Variants in PBX1 observed in about 807,000 individuals in gnomAD.
PBX1 encodes PBX homeobox 1.
PBX1 carries 6 observed loss-of-function variants against 53.4 expected under a neutral mutation model. The ratio of observed to expected loss-of-function variants is 0.11; its 90% CI spans 0.06 to 0.22. The LOEUF is 0.22. Among genes scored for constraint, PBX1 ranks in the 10% least tolerant of loss-of-function variants. PBX1 has a pLI of 1.00. For synonymous variants in PBX1, 204 were observed against 212.3 expected (o/e 0.96, Z 0.34); for missense variants, 251 against 551.4 (o/e 0.46, Z 5.46).
intron 2 of PBX1, among the ~76,000 whole-genome samples, chr1:164,760,683 A>G (rs1273482859): frequency 6.6e-6 from 1 of 152,164 alleles, no homozygotes; most frequent in Non-Finnish European, 1.5e-5. Context: ...AGTAATTTGA[A>G]TATTTCATTC....
chr1:164,836,125 C>T (rs1671027856), intron 8 of PBX1, among the ~76,000 whole-genome samples: 2 of 152,144 alleles, frequency 1.3e-5, no homozygotes, highest in Non-Finnish European at 2.9e-5. Flanking sequence ...ACCTTTGCTA[C>T]ACTTAGGTCA....
chr1:164,878,480 C>T, intron 2 of PBX1, among the ~76,000 whole-genome samples: 1 of 152,024 alleles, frequency 6.6e-6, no homozygotes, highest in South Asian at 2.1e-4. Flanking sequence ...TTAATATTTG[C>T]AAGAAGACTG....
At chr1:164,639,339 C>G (rs1348857795) in intron 2 of PBX1, among the ~76,000 whole-genome samples, 2 of 152,178 alleles carry the variant, frequency 1.3e-5, no homozygotes, top group East Asian at 1.9e-4. Context: ...AAATGAAGAG[C>G]CTTTATTTCC....
At chr1:164,683,457 TC>T (rs1405416138) in intron 2 of PBX1, 1 of 152,184 alleles carries the variant, frequency 6.6e-6, no homozygotes, top group Non-Finnish European at 1.5e-5. Context: ...TCATTAATCT[TC>T]CTATGTATGA....
chr1:164,829,846 G>A (rs1276365881), intron 8 of PBX1: 2 of 151,504 alleles, frequency 1.3e-5, no homozygotes, highest in East Asian at 1.9e-4. Context: ...ACTAAGTACC[G>A]TTAACATACA....
At position 164,884,746 on chromosome 1, in the gene PBX1, T is replaced by C. The variant is rs184076968; in HGVS notation, n.258-14442T>C. Among the ~76,000 whole-genome samples the C allele has an allele frequency of 1.1e-4, 17 of 152,324 alleles. No individual in the cohort carries two copies. In the East Asian group the frequency reaches 2.7e-3, roughly 24 times the overall value. On this transcript the variant is annotated intron_variant and non_coding_transcript_variant, in intron 2 of 2. Coordinates refer to the PBX1 transcript ENST00000558796. Reference sequence around the variant, plus strand: ...TGGTGAGCAGTGAGTTGGCAGATGTTGCAACTGGAAGACTGTGGCATCAAC... The same window carrying C: ...TGGTGAGCAGTGAGTTGGCAGATGTCGCAACTGGAAGACTGTGGCATCAAC...
intron 8 of PBX1, among the ~76,000 whole-genome samples, chr1:164,838,918 T>A (rs1671167816): frequency 6.6e-6 from 1 of 152,312 alleles, no homozygotes; most frequent in Admixed American, 6.5e-5. Flanking sequence ...AGTCCTGTAA[T>A]GGCTTGTTGT....
chr1:164,750,860 C>G (rs1156475810), intron 2 of PBX1, among the ~76,000 whole-genome samples: 1 of 152,094 alleles, frequency 6.6e-6, no homozygotes, highest in East Asian at 1.9e-4. Context: ...GCGGTAGAGG[C>G]TGGGGAAGCA....
At chr1:164,607,412 C>A (rs1656629478) in intron 2 of PBX1, among the ~76,000 whole-genome samples, 1 of 151,952 alleles carries the variant, frequency 6.6e-6, no homozygotes, top group Non-Finnish European at 1.5e-5. Flanking sequence ...GATGTTAATA[C>A]CAAGGTTTCT....
At chr1:164,757,369 T>TAATAA (rs1360162490) in intron 2 of PBX1, among the ~76,000 whole-genome samples, 3 of 152,178 alleles carry the variant, frequency 2.0e-5, no homozygotes, top group Admixed American at 6.5e-5. Flanking sequence ...CATTGGAAAC[T>TAATAA]AATAATATTT....
At chr1:164,828,014 T>C (rs1317588249) in intron 8 of PBX1, among the ~76,000 whole-genome samples, 1 of 152,096 alleles carries the variant, frequency 6.6e-6, no homozygotes, top group Non-Finnish European at 1.5e-5. Context: ...ACTGACCAAC[T>C]CTATAGCCTA....
In PBX1 at chr1:164,599,196, T is replaced by A. The variant is rs181000557; in HGVS notation, c.265+35885T>A. On this transcript the variant is annotated intron_variant, in intron 2 of 8. Transcript: ENST00000420696. ...ACACTACTCTAACTTTGCTCCCCTC[T>A]GAGACCAGCATGAACTCCAGTTCTT... 3.8e-4 allele frequency among the ~76,000 whole-genome samples: 58 copies of A among 151,278 alleles called. No individual in the cohort carries two copies. The East Asian group carries it at 0.011, about 29-fold the overall frequency.
rs577741348 is a variant in PBX1, at chr1:164,767,453, C to T, written c.266-25041C>T. ...AGTGCGCTGGAGGCATATACATGTGCGGGGCCCGGAGAGGAGGAGTGGACA... is the reference window on the plus strand; with the variant it reads ...AGTGCGCTGGAGGCATATACATGTGTGGGGCCCGGAGAGGAGGAGTGGACA... On this transcript the variant is annotated intron_variant, in intron 2 of 8. Coordinates refer to ENST00000420696, the MANE Select transcript of PBX1 (RefSeq NM_002585.4). Among the ~76,000 whole-genome samples, 5 of 152,062 alleles carry T rather than the reference C, an allele frequency of 3.3e-5. No homozygotes were observed. The East Asian group carries it at 5.8e-4, about 18-fold the overall frequency.
intron 2 of PBX1, among the ~76,000 whole-genome samples, chr1:164,601,307 G>A (rs1402966258): frequency 6.8e-6 from 1 of 147,818 alleles, no homozygotes; most frequent in South Asian, 2.2e-4. Flanking sequence ...CAGATTCACA[G>A]TTCAATAGCA....
chr1:164,814,025 A>G (rs1297934314), intron 6 of PBX1: 1 of 152,238 alleles, frequency 6.6e-6, no homozygotes, highest in African/African-American at 2.4e-5. Flanking sequence ...TAATCTGCAC[A>G]GGAACCCCTT....
intron 2 of PBX1, among the ~76,000 whole-genome samples, chr1:164,633,263 C>A (rs191157069): frequency 1.1e-4 from 17 of 152,064 alleles, no homozygotes; most frequent in African/African-American, 4.1e-4. Flanking sequence ...AATTCTCCTG[C>A]CTCAGCCTCC....
intron 2 of PBX1, among the ~76,000 whole-genome samples, chr1:164,575,420 A>G (rs1175193513): frequency 6.6e-6 from 1 of 152,214 alleles, no homozygotes; most frequent in Non-Finnish European, 1.5e-5. Context: ...TTGCTTTGAG[A>G]CAGGTTGAAT....
intron 2 of PBX1, among the ~76,000 whole-genome samples, chr1:164,656,455 A>G (rs1437927038): frequency 6.6e-6 from 1 of 152,202 alleles, no homozygotes; most frequent in Non-Finnish European, 1.5e-5. Flanking sequence ...TTGAAGTCAG[A>G]AAAGAATTCA....
chr1:164,819,149 T>C (rs1329366034), intron 6 of PBX1: 1 of 152,140 alleles, frequency 6.6e-6, no homozygotes, highest in Non-Finnish European at 1.5e-5. Flanking sequence ...ATTAAGCTTT[T>C]GCAAGCCCTT....
Sources: gnomAD v4.1 joint callset for allele counts (sites outside exome capture counted in the v4.1 genomes callset) on GRCh38, gnomAD v4.1.1 for gene constraint, MANE v1.5 for transcripts, NCBI Gene and HGNC (gene_info 2026-07-23, HGNC 2026-07-21) for gene names.